MEI4: variants seen among roughly 807,000 people sequenced by gnomAD.
The protein encoded by MEI4 is meiosis-specific protein MEI4.
A neutral mutation model predicts 31.4 loss-of-function variants in MEI4; 27 were observed. The observed-to-expected ratio is 0.86, with a 90% CI of 0.63 to 1.19. The LOEUF is 1.19. Ranked by LOEUF, MEI4 falls within the 50% of genes most tolerant of loss-of-function variation. The probability of loss-of-function intolerance (pLI) is 0.00; values close to 1 mark genes in which losing one functional copy is unlikely to be tolerated. For missense variants in MEI4, 329 were observed against 398.9 expected (o/e 0.82, Z 1.49); for synonymous variants, 122 against 145.4 (o/e 0.84, Z 1.16).
intron 3 of MEI4, among the ~76,000 whole-genome samples, chr6:77,828,299 C>A (rs1400120641): frequency 6.6e-6 from 1 of 151,618 alleles, no homozygotes; most frequent in Admixed American, 6.6e-5. Context: ...AACCAGGCCA[C>A]ACAGCAGGAA....
chr6:77,810,152 G>A (rs1302370395), intron 3 of MEI4, among the ~76,000 whole-genome samples: 4 of 152,128 alleles, frequency 2.6e-5, no homozygotes, highest in Non-Finnish European at 4.4e-5. Context: ...TCTCATTAAT[G>A]TCCACCCAGT....
At chr6:77,802,067 G>C (rs985241346) in intron 3 of MEI4, among the ~76,000 whole-genome samples, 6 of 152,108 alleles carry the variant, frequency 3.9e-5, no homozygotes, top group African/African-American at 1.4e-4. Context: ...GTTGACAGTG[G>C]GTTGTTAAAG....
intron 3 of MEI4, among the ~76,000 whole-genome samples, chr6:77,797,527 C>G (rs116031859): frequency 0.017 from 2,639 of 152,160 alleles, 81 homozygotes; most frequent in African/African-American, 0.06. Flanking sequence ...CAGTGTGAGT[C>G]TAAAAGCCTC....
intron 4 of MEI4, among the ~76,000 whole-genome samples, chr6:77,840,119 C>A (rs974234169): frequency 1.3e-5 from 2 of 152,066 alleles, no homozygotes; most frequent in African/African-American, 4.8e-5. Flanking sequence ...TGTGTTTGTA[C>A]CTGTGTACAT....
At chr6:77,812,782 G>A (rs544975615) in intron 3 of MEI4, among the ~76,000 whole-genome samples, 1 of 152,150 alleles carries the variant, frequency 6.6e-6, no homozygotes, top group Non-Finnish European at 1.5e-5. Flanking sequence ...CATGTGGGCT[G>A]TTGATTCTGA....
chr6:77,719,057 T>G (rs1409410381), intron 2 of MEI4, among the ~76,000 whole-genome samples: 1 of 134,616 alleles, frequency 7.4e-6, no homozygotes, highest in African/African-American at 2.8e-5. Flanking sequence ...ATGCTTATGT[T>G]TGTCTAAACT....
chr6:77,761,307 A>G lies in MEI4; in HGVS notation c.410A>G (p.Lys137Arg), dbSNP rs1402514499. The change falls in exon 3 of 5, where the codon AAA becomes AGA. Residue 137 changes from lysine to arginine, a missense_variant. By Grantham distance (26) the Lys-to-Arg change is conservative. Transcript: ENST00000684080. ...PTHFPPLPLVKRPCAILQNPL... is the reference protein window; with the variant it reads ...PTHFPPLPLVRRPCAILQNPL... ...CACTTTCCACCACTGCCTCTTGTGA[A>G]AAGACCTTGTGCTATCCTGCAAAAT... 2 of 1,232,600 alleles carry G rather than the reference A, an allele frequency of 1.6e-6. No homozygotes were observed. The highest frequency in any genetic ancestry group is 8.2e-5 in the South Asian group (2 of 24,314). 76.4% of individuals were successfully genotyped at this position (1,232,600 alleles called of 1,614,324 possible).
chr6:77,918,243 C>A (rs1323129951), intron 4 of MEI4, among the ~76,000 whole-genome samples: 2 of 151,514 alleles, frequency 1.3e-5, no homozygotes, highest in Non-Finnish European at 2.9e-5. Context: ...ATTGACTTGG[C>A]GATGCAGGCT....
chr6:77,805,443 T>C (rs1037379414), intron 3 of MEI4, among the ~76,000 whole-genome samples: 3 of 152,158 alleles, frequency 2.0e-5, no homozygotes, highest in Non-Finnish European at 4.4e-5. Context: ...AAATCTTTTA[T>C]GTAAGATCAA....
intron 4 of MEI4, among the ~76,000 whole-genome samples, chr6:77,875,774 T>C (rs1771318601): frequency 1.3e-5 from 2 of 152,210 alleles, no homozygotes; most frequent in African/African-American, 4.8e-5. Context: ...CATGGTAAAA[T>C]GCATATCATA....
chr6:77,816,071 T>A (rs1190806067), intron 3 of MEI4, among the ~76,000 whole-genome samples: 2 of 152,104 alleles, frequency 1.3e-5, no homozygotes, highest in South Asian at 4.1e-4. Context: ...AGTCCCTATT[T>A]AACATTTAAT....
intron 2 of MEI4, among the ~76,000 whole-genome samples, chr6:77,746,342 G>A (rs72898526): frequency 0.013 from 1,989 of 152,224 alleles, 19 homozygotes; most frequent in Non-Finnish European, 0.02. Context: ...GATTACCTCC[G>A]AAATGTAGGT....
intron 2 of MEI4, among the ~76,000 whole-genome samples, chr6:77,744,550 A>G (rs972192610): frequency 6.6e-6 from 1 of 152,204 alleles, no homozygotes; most frequent in African/African-American, 2.4e-5. Flanking sequence ...ACTTTTCAGG[A>G]TATTATCCAG....
At chr6:77,729,268 A>G (rs1766909537) in intron 2 of MEI4, among the ~76,000 whole-genome samples, 1 of 152,220 alleles carries the variant, frequency 6.6e-6, no homozygotes, top group African/African-American at 2.4e-5. Flanking sequence ...TGGAACTCTA[A>G]GCATGTGGGA....
At chr6:77,771,115 G>A (rs775003011) in intron 3 of MEI4, among the ~76,000 whole-genome samples, 8 of 151,732 alleles carry the variant, frequency 5.3e-5, no homozygotes, top group Non-Finnish European at 1.0e-4. Flanking sequence ...ACACTATTAC[G>A]AGTTGGAAAA....
At chr6:77,872,895 A>C (rs1383009180) in intron 4 of MEI4, among the ~76,000 whole-genome samples, 4 of 151,224 alleles carry the variant, frequency 2.6e-5, no homozygotes, top group Non-Finnish European at 2.9e-5. Context: ...CCATGTCCCT[A>C]CAAAGGACAT....
intron 3 of MEI4, among the ~76,000 whole-genome samples, chr6:77,778,617 C>A (rs898056661): frequency 2.0e-5 from 3 of 151,866 alleles, no homozygotes; most frequent in African/African-American, 4.8e-5. Context: ...TGGGAGAATC[C>A]TTGACCCAAG....
At chr6:77,686,680 A>G (rs1052295494) in intron 1 of MEI4, among the ~76,000 whole-genome samples, 2 of 152,090 alleles carry the variant, frequency 1.3e-5, no homozygotes, top group Non-Finnish European at 2.9e-5. Context: ...TTATAATTCT[A>G]TAAATCATGT....
Position 77,905,475 on chromosome 6 carries a change from C to CTTTTTTTTT in MEI4, c.901-17583_901-17575dup, listed in dbSNP as rs70974691. Among the ~76,000 whole-genome samples, 13 of 93,346 alleles carry CTTTTTTTTT rather than the reference C, an allele frequency of 1.4e-4. 1 individual carries two copies. Among genetic ancestry groups the CTTTTTTTTT allele is most frequent in the Admixed American group, 4.0e-4 (3 of 7,512 alleles). 61.2% of individuals were successfully genotyped at this position (93,346 alleles called of 152,430 possible). On this transcript the variant is annotated intron_variant, in intron 4 of 4. Coordinates refer to ENST00000684080, the MANE Select transcript of MEI4 (RefSeq NM_001322247.2). ...TTCTATAGATTGTATAAATTTTCAG[C>CTTTTTTTTT]TTTTTTTTTTTTTTTTTTTTTTTTT... is the stretch of plus-strand genomic sequence containing the variant.
Sources: gnomAD v4.1 joint callset for allele counts (sites outside exome capture counted in the v4.1 genomes callset) on GRCh38, gnomAD v4.1.1 for gene constraint, MANE v1.5 for transcripts, NCBI Gene and HGNC (gene_info 2026-07-23, HGNC 2026-07-21) for gene names.